EIF3G: variants seen among roughly 807,000 people sequenced by gnomAD.
The protein encoded by EIF3G is eukaryotic translation initiation factor 3 RNA-binding subunit.
A neutral mutation model predicts 41.7 loss-of-function variants in EIF3G; 10 were observed. That is an observed-to-expected ratio of 0.24 (90% CI 0.15 to 0.41). The LOEUF (loss-of-function observed/expected upper bound fraction) is 0.41. Among genes scored for constraint, EIF3G ranks in the 10% least tolerant of loss-of-function variants. EIF3G has a pLI of 1.00. For synonymous variants in EIF3G, 204 were observed against 172.5 expected (o/e 1.18, Z -1.43); for missense variants, 297 against 444.0 (o/e 0.67, Z 2.98).
rs1406598579 is a variant in EIF3G, at chr19:10,116,942, G to A, written c.453C>T (p.Gly151=). The change falls in exon 7 of 11, where the codon GGC becomes GGT. Residue 151 remains glycine, a synonymous_variant. Transcript: ENST00000253108. The surrounding 1 kb of genome is among the most constrained non-coding windows in gnomAD (Gnocchi z 4.1). Reference sequence around the variant, plus strand: ...AGATGCGGCAGGACACGATCTTCTGGCCCTTGAGTTTGTTCATAGGGTCCT... The same window carrying A: ...AGATGCGGCAGGACACGATCTTCTGACCCTTGAGTTTGTTCATAGGGTCCT... The part of the protein sequence containing the change: ...EEEDPMNKLK[G]QKIVSCRICK... The A allele has an allele frequency of 6.2e-7, 1 of 1,613,612 alleles. No individual in the cohort carries two copies. Among genetic ancestry groups the A allele is most frequent in the Non-Finnish European group, 8.5e-7 (1 of 1,179,816 alleles).
intron 3 of EIF3G, 50 bp from the exon 4 acceptor site, chr19:10,119,006 T>A: frequency 6.2e-7 from 1 of 1,613,434 alleles, no homozygotes; most frequent in Middle Eastern, 1.7e-4. Flanking sequence ...GTCATGGGGA[T>A]CAGGAGCGGC....
At chr19:10,118,827 C>T in intron 4 of EIF3G, 41 bp downstream of exon 4, 2 of 1,608,970 alleles carry the variant, frequency 1.2e-6, no homozygotes, top group East Asian at 2.2e-5. Flanking sequence ...TATGGGCCCC[C>T]AAGCACAAGG....
At position 10,116,332 on chromosome 19, in the gene EIF3G, G is replaced by A. The variant is rs2145227362; in HGVS notation, c.596-258C>T. On this transcript the variant is annotated intron_variant, in intron 7 of 10. Coordinates refer to ENST00000253108, the MANE Select transcript of EIF3G (RefSeq NM_003755.5). This position sits in a 1 kb window ranked among gnomAD's most constrained non-coding sequence, Gnocchi z 4.1. ...CAGAGAGGGCGGGAGGACAACAGGGGCAGCAGCCTCACATGCACAGCAACG... is the reference window on the plus strand; with the variant it reads ...CAGAGAGGGCGGGAGGACAACAGGGACAGCAGCCTCACATGCACAGCAACG... 2 of 570,090 alleles carry A rather than the reference G, an allele frequency of 3.5e-6. No individual in the cohort carries two copies. Among genetic ancestry groups the A allele is most frequent in the Non-Finnish European group, 6.3e-6 (2 of 318,918 alleles). 35.3% of individuals were successfully genotyped at this position (570,090 alleles called of 1,614,324 possible). A position where few individuals can be genotyped will look rare whatever the true frequency, so the allele number is the denominator to read the frequency against.
At chr19:10,119,506 T>C (rs2089288278) in intron 2 of EIF3G, 148 bp downstream of exon 2, 2 of 1,025,696 alleles carry the variant, frequency 1.9e-6, no homozygotes, top group Admixed American at 2.0e-5. Context: ...ACACCTGGAG[T>C]TGGCAACAGG....
At position 10,116,721 on chromosome 19, in the gene EIF3G, C is replaced by T. The variant is rs535218589; in HGVS notation, c.595+79G>A. On this transcript the variant is annotated intron_variant, in intron 7 of 10. Transcript: ENST00000253108. This position sits in a 1 kb window ranked among gnomAD's most constrained non-coding sequence, Gnocchi z 4.1. ...GGCACCATCAAACCCGCTGCACTGT[C>T]GTGCGGGAGATGACAGCACGAAGGC... 96 of 1,407,896 alleles carry T rather than the reference C, an allele frequency of 6.8e-5. No homozygotes were observed. The African/African-American group carries it at 1.2e-3, about 18-fold the overall frequency. 87.2% of individuals were successfully genotyped at this position (1,407,896 alleles called of 1,614,324 possible).
intron 5 of EIF3G, 172 bp from the exon 6 acceptor site, chr19:10,117,360 A>G: frequency 3.4e-6 from 2 of 580,798 alleles, no homozygotes; most frequent in Non-Finnish European, 6.1e-6. Flanking sequence ...TCCTGAGTAC[A>G]CGCCAGGCCT....
chr19:10,118,606 C>G (rs778922588), intron 5 of EIF3G, 62 bp downstream of exon 5: 1 of 1,513,066 alleles, frequency 6.6e-7, no homozygotes, highest in South Asian at 1.1e-5. Context: ...TCTCTAAACA[C>G]AAAGTCCGGG....
At position 10,116,653 on chromosome 19, in the gene EIF3G, GGTAC is replaced by G. The variant is rs1442834248; in HGVS notation, c.595+143_595+146del. On this transcript the variant is annotated intron_variant, in intron 7 of 10. Transcript: ENST00000253108. The surrounding 1 kb of genome is among the most constrained non-coding windows in gnomAD (Gnocchi z 4.1). Reference sequence around the variant, plus strand: ...AGACGCCCGTCTCCCAACCATAGGAGGTACAGCCAATTAGGAAGGCACAGACGCC... The same window carrying G: ...AGACGCCCGTCTCCCAACCATAGGAGAGCCAATTAGGAAGGCACAGACGCC... The G allele has an allele frequency of 7.7e-6, 6 of 783,198 alleles. No homozygotes were observed. Among genetic ancestry groups the G allele is most frequent in the Non-Finnish European group, 6.0e-6 (3 of 495,994 alleles). The allele number at this position is 783,198 out of a possible 1,614,324, so 48.5% of individuals were successfully genotyped here.
intron 5 of EIF3G, chr19:10,117,519 C>A (rs180960097): frequency 5.0e-4 from 137 of 275,386 alleles, no homozygotes; most frequent in Middle Eastern, 4.0e-3. Context: ...GGCCCTTGAG[C>A]TAGACAACCT....
rs34658893 is a variant in EIF3G, at chr19:10,118,904, T to C, written c.204A>G (p.Thr68=). The C allele has an allele frequency of 6.2e-3, 10,061 of 1,614,024 alleles. 43 individuals are homozygous for C. The highest frequency in any genetic ancestry group is 7.7e-3 in the Non-Finnish European group (9,073 of 1,179,996). ...TGCCATCCTCATCTATCTTGTACTC[T>C]GTCACTGTCTTTATGTTTCCGTTGA... The part of the protein sequence containing the change: ...EVINGNIKTV[T]EYKIDEDGKK... The change falls in exon 4 of 11, where the codon ACA becomes ACG. Residue 68 remains threonine, a synonymous_variant. Coordinates refer to ENST00000253108, the MANE Select transcript of EIF3G (RefSeq NM_003755.5).
rs373508748 is a variant in EIF3G, at chr19:10,115,059, G to C, written c.*55C>G. 2 of 1,612,332 alleles carry C rather than the reference G, an allele frequency of 1.2e-6. No homozygotes were observed. The highest frequency in any genetic ancestry group is 1.7e-6 in the Non-Finnish European group (2 of 1,179,288). ...TATTGCCCTTGGAGCCCGCGCTCTCGGAGGCTGTCTTCTGTCGCCAAGGGT... is the reference window on the plus strand; with the variant it reads ...TATTGCCCTTGGAGCCCGCGCTCTCCGAGGCTGTCTTCTGTCGCCAAGGGT... On this transcript the variant is annotated 3_prime_UTR_variant, in exon 11 of 11. Coordinates refer to ENST00000253108, the MANE Select transcript of EIF3G (RefSeq NM_003755.5).
At chr19:10,119,542 G>A in intron 2 of EIF3G, 112 bp downstream of exon 2, 2 of 1,365,084 alleles carry the variant, frequency 1.5e-6, no homozygotes, top group Non-Finnish European at 2.0e-6. Flanking sequence ...ATGGCGCGGG[G>A]CAGGGGCAGA....
rs1276084962 is a variant in EIF3G at position 10,115,676 on chromosome 19, C to G, written c.840+8G>C. The G allele has an allele frequency of 1.9e-6, 3 of 1,614,134 alleles. No homozygotes were observed. Among genetic ancestry groups the G allele is most frequent in the Non-Finnish European group, 2.5e-6 (3 of 1,179,974 alleles). ...ACACAGCCCCACCGTGCCTGCCTGC[C>G]TGCCCACCTTGGATTGGCCAGTGGT... On this transcript the variant is annotated splice_region_variant and intron_variant, in intron 9 of 10. Transcript: ENST00000253108.
rs2089245783 is a variant in EIF3G, at chr19:10,116,160, T to C, written c.596-86A>G. ...GCCCCAGGAAGCTCGGGCTTCAGTG[T>C]TGAGCCAGCGCAGGCACTGTGTGCC... is the stretch of plus-strand genomic sequence containing the variant. On this transcript the variant is annotated intron_variant, in intron 7 of 10. Transcript: ENST00000253108. This position sits in a 1 kb window ranked among gnomAD's most constrained non-coding sequence, Gnocchi z 4.1. 24 of 1,377,374 alleles carry C rather than the reference T, an allele frequency of 1.7e-5. No homozygotes were observed. In the South Asian group the frequency reaches 2.1e-4, roughly 12 times the overall value. The allele number at this position is 1,377,374 out of a possible 1,614,324, so 85.3% of individuals were successfully genotyped here.
intron 5 of EIF3G, chr19:10,118,129 ATATC>A (rs761911659): frequency 5.2e-5 from 8 of 152,722 alleles, no homozygotes; most frequent in African/African-American, 7.2e-5. Flanking sequence ...ATATAATTTG[ATATC>A]TATCATCGAA....
Position 10,119,853 on chromosome 19 carries a change from T to C in EIF3G, c.7A>G (p.Thr3Ala), listed in dbSNP as rs748091858. 2.5e-6 allele frequency: 4 copies of C among 1,614,102 alleles called. No homozygotes were observed. The South Asian group carries it at 4.4e-5, about 18-fold the overall frequency. The change falls in exon 1 of 11, where the codon ACT becomes GCT. Residue 3 changes from threonine to alanine, a missense_variant. By Grantham distance (58) the Thr-to-Ala change is moderately conservative. Around this residue, in one of 4 missense-constraint regions of EIF3G, gnomAD observed 147 missense variants for 162.4 expected, o/e 0.91. Transcript: ENST00000253108. ...TCGCCGACTCACTCAAAGTCTCCAG[T>C]AGGCATCGCAAAAAGTATTCTCCAC... is the stretch of plus-strand genomic sequence containing the variant. Reference protein sequence around the residue: MPTGDFDSKPSWA... With the variant: MPAGDFDSKPSWA...
At chr19:10,117,040 T>C in intron 6 of EIF3G, 44 bp downstream of exon 6, 1 of 1,605,480 alleles carries the variant, frequency 6.2e-7, no homozygotes, top group Non-Finnish European at 8.5e-7. Context: ...GCACCCCCTT[T>C]GCCCCACCCC....
rs984478966 is a variant in EIF3G at position 10,116,416 on chromosome 19, A to G, written c.596-342T>C. 2 of 498,700 alleles carry G rather than the reference A, an allele frequency of 4.0e-6. No homozygotes were observed. The highest frequency in any genetic ancestry group is 5.3e-4 in the Middle Eastern group (1 of 1,884). The allele number at this position is 498,700 out of a possible 1,614,324, so 30.9% of individuals were successfully genotyped here. On this transcript the variant is annotated intron_variant, in intron 7 of 10. Coordinates refer to ENST00000253108, the MANE Select transcript of EIF3G (RefSeq NM_003755.5). The surrounding 1 kb of genome is among the most constrained non-coding windows in gnomAD (Gnocchi z 4.1). ...AGGTCCCCCTCGCGTGGCAGGCGAC[A>G]AGTGCACGTCTGCACTCTCACACTC...
Position 10,119,152 on chromosome 19 carries a change from C to A in EIF3G, c.87G>T (p.Glu29Asp). The change falls in exon 3 of 11, where the codon GAG becomes GAT. Residue 29 changes from glutamate to aspartate, a missense_variant. Physicochemically the swap from Glu to Asp is conservative, Grantham distance 45. Coordinates refer to ENST00000253108, the MANE Select transcript of EIF3G (RefSeq NM_003755.5). ...EGEDDKCVTS[E>D]LLKGIPLATG... ...TGGCCAGAGGGATCCCCTTGAGGAG[C>A]TCGCTGGTGACACATTTGTCTGCAA... The A allele has an allele frequency of 1.9e-6, 3 of 1,589,564 alleles. No homozygotes were observed. The highest frequency in any genetic ancestry group is 1.7e-6 in the Non-Finnish European group (2 of 1,167,048).
Sources: gnomAD v4.1 joint callset for allele counts on GRCh38, gnomAD v4.1.1 for gene constraint, gnomAD v4.1.1 regional missense constraint, Gnocchi (gnomAD v3.1) non-coding constraint, MANE v1.5 for transcripts, NCBI Gene and HGNC (gene_info 2026-07-23, HGNC 2026-07-21) for gene names.